The following CCDC50 variants were observed in gnomAD, a reference collection of about 807,000 sequenced individuals.
The protein encoded by CCDC50 is coiled-coil domain containing 50.
CCDC50 carries 54 observed loss-of-function variants against 70.2 expected under a neutral mutation model. That is an observed-to-expected ratio of 0.77 (90% CI 0.62 to 0.96). The LOEUF (loss-of-function observed/expected upper bound fraction) is 0.96. CCDC50 is among the 50% of genes least tolerant of loss of function. The pLI, the probability that CCDC50 is intolerant of heterozygous loss-of-function variation, is 0.00. For synonymous variants in CCDC50, 216 were observed against 198.8 expected (o/e 1.09, Z -0.73); for missense variants, 558 against 578.7 (o/e 0.96, Z 0.37).
intron 1 of CCDC50, 147 bp downstream of exon 1, chr3:191,329,870 A>T: frequency 1.7e-6 from 1 of 601,980 alleles, no homozygotes; most frequent in Non-Finnish European, 2.6e-6. Context: ...AAAGGAATTG[A>T]ATTCAGGTTC....
At chr3:191,330,326 C>CACACACACACACACACACAG (rs550009593) in intron 1 of CCDC50, 1 of 147,660 alleles carries the variant, frequency 6.8e-6, no homozygotes, top group Non-Finnish European at 1.5e-5. Flanking sequence ...CACACACACA[C>CACACACACACACACACACAG]ACAATAGTGA....
intron 3 of CCDC50, among the ~76,000 whole-genome samples, chr3:191,358,693 C>T (rs935939103): frequency 1.3e-5 from 2 of 152,152 alleles, no homozygotes; most frequent in Non-Finnish European, 2.9e-5. Context: ...ATGATTATTT[C>T]TCAGGTTTCT....
At chr3:191,390,857 C>T (rs189368948) in intron 11 of CCDC50, among the ~76,000 whole-genome samples, 1 of 152,158 alleles carries the variant, frequency 6.6e-6, no homozygotes, top group Middle Eastern at 3.2e-3. Context: ...CTTATTTTAT[C>T]CAGCCCCTAT....
chr3:191,386,216 A>AT (rs76983981), intron 10 of CCDC50, among the ~76,000 whole-genome samples: 10,970 of 123,892 alleles, frequency 0.089, 2,476 homozygotes, highest in African/African-American at 0.25. Flanking sequence ...TAGTATGGGC[A>AT]TTTTTTTTTT....
intron 1 of CCDC50, among the ~76,000 whole-genome samples, chr3:191,355,709 G>A (rs1850961): frequency 2.0e-5 from 3 of 151,736 alleles, no homozygotes; most frequent in Non-Finnish European, 4.4e-5. Flanking sequence ...TATTAGAATC[G>A]GTTGAGAATA....
chr3:191,375,837 A>G lies in CCDC50; in HGVS notation c.976+248A>G, dbSNP rs115416641. On this transcript the variant is annotated intron_variant, in intron 6 of 11. Coordinates refer to ENST00000392455, the MANE Select transcript of CCDC50 (RefSeq NM_178335.3). ...TTTCTTGGAGAGTTATTCCATGCCC[A>G]GGTTGTATTAGAGGTACCCATTCCA... Among the ~76,000 whole-genome samples the G allele has an allele frequency of 0.018, 2,674 of 152,204 alleles. 84 individuals carry two copies. The highest frequency in any genetic ancestry group is 0.062 in the African/African-American group (2,557 of 41,512).
intron 6 of CCDC50, among the ~76,000 whole-genome samples, chr3:191,379,374 A>G (rs1713228263): frequency 6.6e-6 from 1 of 152,134 alleles, no homozygotes; most frequent in African/African-American, 2.4e-5. Context: ...ATTTACTGAA[A>G]TGAACTATTT....
intron 1 of CCDC50, among the ~76,000 whole-genome samples, chr3:191,346,777 C>T (rs1366138796): frequency 6.6e-6 from 1 of 152,076 alleles, no homozygotes; most frequent in Non-Finnish European, 1.5e-5. Context: ...AGGGAGTTTC[C>T]GGTGGCTGAA....
Position 191,391,935 on chromosome 3 carries a change from G to C in CCDC50, c.*175G>C. Reference sequence around the variant, plus strand: ...CATTTCAAATGTTTTGGTTATTCATGATCACTTGGGCAGTATAAGAAAATG... The same window carrying C: ...CATTTCAAATGTTTTGGTTATTCATCATCACTTGGGCAGTATAAGAAAATG... On this transcript the variant is annotated 3_prime_UTR_variant, in exon 12 of 12. Coordinates refer to ENST00000392455, the MANE Select transcript of CCDC50 (RefSeq NM_178335.3). The C allele has an allele frequency of 3.1e-6, 2 of 654,108 alleles. No homozygotes were observed. Among genetic ancestry groups the C allele is most frequent in the Non-Finnish European group, 5.4e-6 (2 of 372,234 alleles). The allele number at this position is 654,108 out of a possible 1,614,324, so 40.5% of individuals were successfully genotyped here. A position where few individuals can be genotyped will look rare whatever the true frequency, so the allele number is the denominator to read the frequency against.
At chr3:191,374,624 TAAG>T (rs1438949208) in intron 5 of CCDC50, among the ~76,000 whole-genome samples, 1 of 152,202 alleles carries the variant, frequency 6.6e-6, no homozygotes, top group Non-Finnish European at 1.5e-5. Context: ...GCATTTCCAG[TAAG>T]AATATTTGAA....
Position 191,352,377 on chromosome 3 carries a change from G to A in CCDC50, c.50-4711G>A, listed in dbSNP as rs1037632610. 2.1e-5 allele frequency among the ~76,000 whole-genome samples: 3 copies of A among 141,820 alleles called. 1 individual carries two copies. Among genetic ancestry groups the A allele is most frequent in the Admixed American group, 7.2e-5 (1 of 13,882 alleles). 93.0% of individuals were successfully genotyped at this position (141,820 alleles called of 152,430 possible). Reference sequence around the variant, plus strand: ...GGGGTATATATATGTATGTATTTATGTATGTCAGCCAGTCCTCCTTTCCAT... The same window carrying A: ...GGGGTATATATATGTATGTATTTATATATGTCAGCCAGTCCTCCTTTCCAT... On this transcript the variant is annotated intron_variant, in intron 1 of 11. Coordinates refer to ENST00000392455, the MANE Select transcript of CCDC50 (RefSeq NM_178335.3).
At chr3:191,359,718 T>C (rs1712416617) in intron 3 of CCDC50, among the ~76,000 whole-genome samples, 1 of 152,116 alleles carries the variant, frequency 6.6e-6, no homozygotes, top group African/African-American at 2.4e-5. Context: ...TTTGAGATGT[T>C]ATGAGGCTCA....
intron 10 of CCDC50, among the ~76,000 whole-genome samples, chr3:191,387,552 C>T (rs1020503286): frequency 6.6e-6 from 1 of 151,862 alleles, no homozygotes; most frequent in Admixed American, 6.6e-5. Context: ...CAGAACAGTA[C>T]CCTTAAGAGC....
chr3:191,367,337 T>C (rs1042910951), intron 4 of CCDC50, among the ~76,000 whole-genome samples: 2 of 152,080 alleles, frequency 1.3e-5, no homozygotes, highest in African/African-American at 4.8e-5. Flanking sequence ...AGGGCAGTTA[T>C]AAGCAATTCT....
chr3:191,360,082 T>G (rs58645265), intron 3 of CCDC50, among the ~76,000 whole-genome samples: 45,768 of 152,112 alleles, frequency 0.3, 6,908 homozygotes, highest in Non-Finnish European at 0.33. Context: ...TTAATAGCTG[T>G]ACATCTTGGG....
At chr3:191,385,324 T>C (rs895442445) in intron 10 of CCDC50, among the ~76,000 whole-genome samples, 2 of 152,140 alleles carry the variant, frequency 1.3e-5, no homozygotes, top group African/African-American at 4.8e-5. Context: ...CATGCTAACA[T>C]CTGTTATTGT....
At chr3:191,341,861 C>T (rs779116116) in intron 1 of CCDC50, among the ~76,000 whole-genome samples, 5 of 152,218 alleles carry the variant, frequency 3.3e-5, no homozygotes, top group Non-Finnish European at 7.3e-5. Flanking sequence ...GGCTGGCTTC[C>T]TCAAGTCTGC....
At chr3:191,354,704 C>G (rs695911) in intron 1 of CCDC50, among the ~76,000 whole-genome samples, 38,067 of 151,870 alleles carry the variant, frequency 0.25, 6,195 homozygotes, top group African/African-American at 0.45. Context: ...AAAGTTTCCC[C>G]AAACTAGTTT....
intron 1 of CCDC50, 116 bp downstream of exon 1, chr3:191,329,839 C>A (rs1158349520): frequency 4.0e-6 from 4 of 993,862 alleles, no homozygotes; most frequent in Non-Finnish European, 5.9e-6. Context: ...GCCCGCCCTG[C>A]GTTGGCCTTG....
Sources: gnomAD v4.1 joint callset for allele counts (sites outside exome capture counted in the v4.1 genomes callset) on GRCh38, gnomAD v4.1.1 for gene constraint, MANE v1.5 for transcripts, NCBI Gene and HGNC (gene_info 2026-07-23, HGNC 2026-07-21) for gene names.